Variants in KLF12 observed in about 807,000 individuals in gnomAD.
KLF12 encodes the protein KLF transcription factor 12.
Under a neutral mutation model 37.8 loss-of-function variants are expected in KLF12, and 9 were observed. That is an observed-to-expected ratio of 0.24 (90% CI 0.14 to 0.42). KLF12 has a LOEUF of 0.42. Among genes scored for constraint, KLF12 ranks in the 10% least tolerant of loss-of-function variants. KLF12 has a pLI of 1.00. For missense variants in KLF12, 411 were observed against 516.0 expected (o/e 0.80, Z 1.97); for synonymous variants, 208 against 202.1 (o/e 1.03, Z -0.25).
chr13:73,852,905 T>G (rs971523706), intron 3 of KLF12, among the ~76,000 whole-genome samples: 1 of 150,042 alleles, frequency 6.7e-6, no homozygotes, highest in African/African-American at 2.5e-5. Context: ...AGTCTTGGTC[T>G]GTCGCCCAGG....
chr13:74,138,121 C>T (rs559385690), upstream of KLF12, among the ~76,000 whole-genome samples: 1 of 152,214 alleles, frequency 6.6e-6, no homozygotes. Context: ...AAGGTAAAAA[C>T]TCTGTTCAAT....
At chr13:73,737,476 T>C (rs1316113919) in intron 6 of KLF12, among the ~76,000 whole-genome samples, 2 of 152,150 alleles carry the variant, frequency 1.3e-5, no homozygotes. Flanking sequence ...ATCTGTAAAA[T>C]AAGACAGTGG....
chr13:73,951,628 G>T (rs1007466754), intron 2 of KLF12, among the ~76,000 whole-genome samples: 1 of 152,168 alleles, frequency 6.6e-6, no homozygotes. Flanking sequence ...CAAGGCAAAG[G>T]CAAACTGATC....
the KLF12 span, among the ~76,000 whole-genome samples, chr13:74,226,977 A>G: frequency 0.033 from 4,955 of 152,196 alleles, 118 homozygotes; most frequent in Middle Eastern, 0.071. Flanking sequence ...CCCCACTCCA[A>G]GGTTTTCTGC....
At chr13:73,939,475 T>C (rs1442192685) in intron 3 of KLF12, among the ~76,000 whole-genome samples, 1 of 152,194 alleles carries the variant, frequency 6.6e-6, no homozygotes, top group Non-Finnish European at 1.5e-5. Flanking sequence ...TGAAACATTC[T>C]TCCAGATATC....
intron 6 of KLF12, among the ~76,000 whole-genome samples, chr13:73,722,311 A>T (rs904954563): frequency 6.6e-6 from 1 of 152,212 alleles, no homozygotes; most frequent in African/African-American, 2.4e-5. Context: ...GATTCTATTC[A>T]CATGAACAAG....
the KLF12 span, among the ~76,000 whole-genome samples, chr13:74,198,126 T>C: frequency 2.0e-5 from 3 of 152,186 alleles, no homozygotes; most frequent in South Asian, 6.2e-4. Context: ...GGGAATTTTG[T>C]CCATAAACCT....
rs576977352 is a variant in KLF12 at position 73,785,589 on chromosome 13, T to TA, written c.807-20590dup. Among the ~76,000 whole-genome samples the TA allele has an allele frequency of 3.9e-4, 59 of 152,130 alleles. No individual in the cohort carries two copies. In the South Asian group the frequency reaches 4.8e-3, roughly 12 times the overall value. On this transcript the variant is annotated intron_variant, in intron 5 of 7. Coordinates refer to ENST00000377669, the MANE Select transcript of KLF12 (RefSeq NM_007249.5). ...AACTCAACATATCTAAAACCAAACT[T>TA]ATATACCAAATCTCTGCCCATTTTT...
the KLF12 span, among the ~76,000 whole-genome samples, chr13:74,148,609 A>C: frequency 1.8e-3 from 267 of 151,722 alleles, 1 homozygote; most frequent in African/African-American, 5.8e-3. Flanking sequence ...TATAAGCAGC[A>C]CCTGGCACTG....
At chr13:73,756,214 G>A (rs1879159053) in intron 6 of KLF12, among the ~76,000 whole-genome samples, 1 of 152,146 alleles carries the variant, frequency 6.6e-6, no homozygotes, top group Admixed American at 6.5e-5. Context: ...TAGCATAAGT[G>A]AGAAATTTAT....
intron 6 of KLF12, among the ~76,000 whole-genome samples, chr13:73,719,761 C>T (rs1876098227): frequency 6.6e-6 from 1 of 152,112 alleles, no homozygotes; most frequent in Admixed American, 6.5e-5. Flanking sequence ...GCCACCATGC[C>T]TGGCTAACGT....
intron 3 of KLF12, among the ~76,000 whole-genome samples, chr13:73,902,163 A>G (rs10507819): frequency 0.49 from 74,049 of 152,022 alleles, 18,480 homozygotes; most frequent in Non-Finnish European, 0.55. Flanking sequence ...GACTTTTATT[A>G]TCCCAAAATA....
At chr13:74,211,100 G>A in the KLF12 span, among the ~76,000 whole-genome samples, 1 of 152,130 alleles carries the variant, frequency 6.6e-6, no homozygotes, top group Non-Finnish European at 1.5e-5. Flanking sequence ...CCTTTCCTGT[G>A]CTCTGGGCTT....
chr13:74,192,748 A>C, the KLF12 span, among the ~76,000 whole-genome samples: 1 of 152,246 alleles, frequency 6.6e-6, no homozygotes, highest in Admixed American at 6.5e-5. Flanking sequence ...TGCTATGGAC[A>C]CTTTGGACAG....
the KLF12 span, among the ~76,000 whole-genome samples, chr13:74,150,463 T>A: frequency 1.4e-4 from 22 of 152,258 alleles, no homozygotes; most frequent in Admixed American, 6.5e-4. Context: ...CAACTATTCA[T>A]GACCTGTGGC....
chr13:74,104,760 G>C (rs976531685), intron 1 of KLF12, among the ~76,000 whole-genome samples: 2 of 152,116 alleles, frequency 1.3e-5, no homozygotes, highest in Non-Finnish European at 2.9e-5. Context: ...AGAAGCAACA[G>C]AACAGCAGGG....
chr13:74,276,514 TAA>T, the KLF12 span, among the ~76,000 whole-genome samples: 4 of 152,250 alleles, frequency 2.6e-5, no homozygotes, highest in Non-Finnish European at 5.9e-5. Flanking sequence ...ATTTATTTAG[TAA>T]AGTTTCACAA....
At chr13:74,274,685 C>CT in the KLF12 span, among the ~76,000 whole-genome samples, 123 of 143,326 alleles carry the variant, frequency 8.6e-4, 1 homozygote, top group South Asian at 0.012. Flanking sequence ...TTTTTCACTT[C>CT]TTTTTTTTTT....
At chr13:73,852,961 C>T (rs1418146823) in intron 3 of KLF12, among the ~76,000 whole-genome samples, 18 of 150,528 alleles carry the variant, frequency 1.2e-4, no homozygotes, top group Admixed American at 1.2e-3. Context: ...GCTCCGCCTG[C>T]CGGGTTCATG....
Sources: gnomAD v4.1 joint callset for allele counts (sites outside exome capture counted in the v4.1 genomes callset) on GRCh38, gnomAD v4.1.1 for gene constraint, MANE v1.5 for transcripts, NCBI Gene and HGNC (gene_info 2026-07-23, HGNC 2026-07-21) for gene names.